Variants in SYNE1 observed in about 807,000 individuals in gnomAD.
SYNE1 encodes the protein nesprin-1.
Under a neutral mutation model 1,111.0 loss-of-function variants are expected in SYNE1, and 616 were observed. The observed-to-expected ratio is 0.55, with a 90% confidence interval of 0.52 to 0.59. SYNE1 has a LOEUF of 0.59. Among genes scored for constraint, SYNE1 ranks in the 20% least tolerant of loss-of-function variants. The pLI, the probability that SYNE1 is intolerant of heterozygous loss-of-function variation, is 0.00. For synonymous variants in SYNE1, 3,855 were observed against 3,825.8 expected (o/e 1.01, Z -0.28); for missense variants, 10,006 against 10,417.0 (o/e 0.96, Z 1.72).
In SYNE1 at chr6:152,136,680, G is replaced by C; in HGVS notation, c.25597C>G (p.Arg8533Gly). 6.2e-7 allele frequency: 1 copy of C among 1,614,124 alleles called. No individual in the cohort carries two copies. The highest frequency in any genetic ancestry group is 8.5e-7 in the Non-Finnish European group (1 of 1,180,030). The change falls in exon 141 of 146, where the codon CGA becomes GGA. Residue 8533 changes from arginine to glycine, a missense_variant. Arg to Gly is a moderately radical substitution (Grantham distance 125). Coordinates refer to ENST00000367255, the MANE Select transcript of SYNE1 (RefSeq NM_182961.4). ...CACTCCTCCAGCAGAGAGCACACTC[G>C]GTCCCAGCGCCCATTCATCTGCGAC... ...RLSQMNGRWD[R>G]VCSLLEEWRG...
intron 97 of SYNE1, among the ~76,000 whole-genome samples, chr6:152,280,003 T>G (rs1190187448): frequency 1.3e-5 from 2 of 152,178 alleles, no homozygotes; most frequent in African/African-American, 4.8e-5. Flanking sequence ...ACAACAAATC[T>G]ATTCCGAATC....
intron 14 of SYNE1, among the ~76,000 whole-genome samples, chr6:152,477,831 A>C (rs2098844252): frequency 6.6e-6 from 1 of 152,196 alleles, no homozygotes; most frequent in Non-Finnish European, 1.5e-5. Flanking sequence ...GCACAATCAT[A>C]GCTTACCCAC....
chr6:152,384,826 G>T (rs984136649), intron 55 of SYNE1, among the ~76,000 whole-genome samples: 11 of 151,120 alleles, frequency 7.3e-5, no homozygotes, highest in Non-Finnish European at 1.3e-4. Context: ...GTTGCAGTGA[G>T]CCAAGATCGT....
chr6:152,309,700 A>G (rs1183737072), intron 90 of SYNE1, 135 bp downstream of exon 90: 7 of 1,165,962 alleles, frequency 6.0e-6, no homozygotes, highest in Non-Finnish European at 8.6e-6. Context: ...TAATCTCCTT[A>G]TTTTATAAAA....
In SYNE1 at chr6:152,232,189, A is replaced by T; in HGVS notation, c.20789T>A (p.Ile6930Asn). The change falls in exon 113 of 146, where the codon ATT becomes AAT. Residue 6930 changes from isoleucine (I) to asparagine (N), a missense_variant. Coordinates refer to ENST00000367255, the MANE Select transcript of SYNE1 (RefSeq NM_182961.4). ...TTTAATATTATCTTCATCCTTCTGA[A>T]TAACATTTTCCATTAGAGAAATCCA... ...MSWISLMENVIQKDEDNIKNS... is the reference protein window; with the variant it reads ...MSWISLMENVNQKDEDNIKNS... 1 of 1,612,878 alleles carries T rather than the reference A, an allele frequency of 6.2e-7. No individual in the cohort carries two copies. Among genetic ancestry groups the T allele is most frequent in the East Asian group, 2.2e-5 (1 of 44,820 alleles).
intron 44 of SYNE1, among the ~76,000 whole-genome samples, chr6:152,407,677 C>A (rs959842528): frequency 1.3e-5 from 2 of 151,576 alleles, no homozygotes; most frequent in Admixed American, 6.6e-5. Context: ...TATTGCTTAT[C>A]ACTCTTCCTA....
At chr6:152,550,353 G>C (rs541048814) in intron 3 of SYNE1, among the ~76,000 whole-genome samples, 2 of 151,906 alleles carry the variant, frequency 1.3e-5, no homozygotes, top group African/African-American at 4.8e-5. Context: ...AAATATTTTA[G>C]AACTATATAA....
At position 152,413,336 on chromosome 6, in the gene SYNE1, G is replaced by A. The variant is rs765032470; in HGVS notation, c.6230+16C>T. 6.2e-6 allele frequency: 10 copies of A among 1,613,960 alleles called. No homozygotes were observed. The highest frequency in any genetic ancestry group is 2.7e-5 in the African/African-American group (2 of 74,932). ...GTGGGAAGCTAAAAACAAGAACTGG[G>A]TGGGTTTTGACTTACTTTTCATGAA... On this transcript the variant is annotated intron_variant, in intron 42 of 145. Coordinates refer to ENST00000367255, the MANE Select transcript of SYNE1 (RefSeq NM_182961.4).
Position 152,450,566 on chromosome 6 carries a change from T to C in SYNE1, c.3395+59A>G, listed in dbSNP as rs949140309. 3 of 1,371,826 alleles carry C rather than the reference T, an allele frequency of 2.2e-6. No individual in the cohort carries two copies. In the African/African-American group the frequency reaches 4.3e-5, roughly 20 times the overall value. 85.0% of individuals were successfully genotyped at this position (1,371,826 alleles called of 1,614,324 possible). ...AGTTATTTCTTGTTTTGTCATGATC[T>C]CCGAACTAACAGAATTAAGTTTGAC... On this transcript the variant is annotated intron_variant, in intron 27 of 145. Coordinates refer to ENST00000367255, the MANE Select transcript of SYNE1 (RefSeq NM_182961.4).
intron 93 of SYNE1, among the ~76,000 whole-genome samples, chr6:152,299,872 A>C (rs1238842578): frequency 2.0e-5 from 3 of 152,214 alleles, no homozygotes; most frequent in African/African-American, 7.2e-5. Context: ...ATTTCATAGA[A>C]TAGTTTACAT....
rs551083886 is a variant in SYNE1, at chr6:152,451,522, G to A, written c.3028-317C>T. Among the ~76,000 whole-genome samples the A allele has an allele frequency of 1.5e-3, 184 of 119,212 alleles. 1 individual carries two copies. Among genetic ancestry groups the A allele is most frequent in the African/African-American group, 5.6e-3 (170 of 30,294 alleles). The allele number at this position is 119,212 out of a possible 152,430, so 78.2% of individuals were successfully genotyped here. A position where few individuals can be genotyped will look rare whatever the true frequency, so the allele number is the denominator to read the frequency against. On this transcript the variant is annotated intron_variant, in intron 25 of 145. Transcript: ENST00000367255. Reference sequence around the variant, plus strand: ...TGGTGAGATGGAGTCTCGCTCTGTCGCCCAGGGTGGAGTACAGTGGTGCGA... The same window carrying A: ...TGGTGAGATGGAGTCTCGCTCTGTCACCCAGGGTGGAGTACAGTGGTGCGA...
chr6:152,249,108 A>G, intron 105 of SYNE1, 53 bp downstream of exon 105: 1 of 1,161,300 alleles, frequency 8.6e-7, no homozygotes, highest in Non-Finnish European at 1.3e-6. Context: ...TTTCATAGTA[A>G]GTCATATCTC....
chr6:152,169,089 C>G (rs192116176), intron 130 of SYNE1, among the ~76,000 whole-genome samples: 134 of 151,944 alleles, frequency 8.8e-4, no homozygotes, highest in Non-Finnish European at 1.2e-3. Flanking sequence ...TGCTTTACAT[C>G]CTTTAGGGGA....
chr6:152,473,928 G>A (rs1195295559), intron 14 of SYNE1, among the ~76,000 whole-genome samples: 3 of 152,182 alleles, frequency 2.0e-5, no homozygotes, highest in Non-Finnish European at 4.4e-5. Flanking sequence ...GCTCATGTCT[G>A]TAATCCCCGC....
chr6:152,379,733 T>C (rs2154112541), intron 56 of SYNE1, among the ~76,000 whole-genome samples: 1 of 152,346 alleles, frequency 6.6e-6, no homozygotes, highest in South Asian at 2.1e-4. Context: ...ACATTTGAAC[T>C]ATTTAACACA....
At position 152,244,705 on chromosome 6, in the gene SYNE1, C is replaced by T. The variant is rs1043042387; in HGVS notation, c.19573-49G>A. On this transcript the variant is annotated intron_variant, in intron 105 of 145. Coordinates refer to ENST00000367255, the MANE Select transcript of SYNE1 (RefSeq NM_182961.4). Reference sequence around the variant, plus strand: ...ATTAAAACTCCCATGAACAATTTCCCCACGGAAGATGTGATTATTGTATCT... The same window carrying T: ...ATTAAAACTCCCATGAACAATTTCCTCACGGAAGATGTGATTATTGTATCT... 6 of 1,611,198 alleles carry T rather than the reference C, an allele frequency of 3.7e-6. No individual in the cohort carries two copies. In the Admixed American group the frequency reaches 6.7e-5, roughly 18 times the overall value.
intron 75 of SYNE1, among the ~76,000 whole-genome samples, chr6:152,338,021 G>T (rs1272648848): frequency 6.6e-6 from 1 of 152,040 alleles, no homozygotes; most frequent in East Asian, 1.9e-4. Flanking sequence ...GGTGGTGTGT[G>T]CCTGTAGTCC....
intron 91 of SYNE1, among the ~76,000 whole-genome samples, chr6:152,305,652 C>T (rs1354815176): frequency 1.3e-5 from 2 of 152,114 alleles, no homozygotes; most frequent in Admixed American, 1.3e-4. Context: ...CTAGATTCAC[C>T]ATAAGATTGA....
chr6:152,350,397 T>A, intron 71 of SYNE1, 62 bp from the exon 72 acceptor site: 2 of 1,610,348 alleles, frequency 1.2e-6, no homozygotes, highest in South Asian at 2.2e-5. Context: ...AAAACTGTTT[T>A]GTATTACAAA....
Sources: allele counts gnomAD v4.1 joint callset (sites outside exome capture counted in the v4.1 genomes callset), GRCh38; gene constraint gnomAD v4.1.1; transcripts MANE v1.5; gene names NCBI Gene and HGNC (gene_info 2026-07-23, HGNC 2026-07-21).